SPAG17: variants seen among roughly 807,000 people sequenced by gnomAD.
The protein encoded by SPAG17 is sperm associated antigen 17.
Under a neutral mutation model 273.6 loss-of-function variants are expected in SPAG17, and 169 were observed. That is an observed-to-expected ratio of 0.62 (90% CI 0.55 to 0.70). The LOEUF is 0.70. SPAG17 is among the 30% of genes least tolerant of loss of function. The pLI, the probability that SPAG17 is intolerant of heterozygous loss-of-function variation, is 0.00. For missense variants in SPAG17, 2,557 were observed against 2,627.8 expected, an observed-to-expected ratio of 0.97 and a Z score of 0.59; for synonymous variants, 825 against 873.2, an observed-to-expected ratio of 0.94 and a Z score of 0.97.
At chr1:118,135,371 ATGTGTGTGTGTG>A (rs57793942) in intron 3 of SPAG17, among the ~76,000 whole-genome samples, 58 of 140,024 alleles carry the variant, frequency 4.1e-4, no homozygotes, top group African/African-American at 1.3e-3. Context: ...AGCTCAAGCA[ATGTGTGTGTGTG>A]TGTGTGTGTG....
At chr1:118,124,963 G>T (rs1657628508) in intron 3 of SPAG17, among the ~76,000 whole-genome samples, 1 of 152,118 alleles carries the variant, frequency 6.6e-6, no homozygotes, top group Non-Finnish European at 1.5e-5. Context: ...TCCCTCCCCA[G>T]TCTCCATGGC....
At chr1:118,056,025 T>TGA (rs1444576407) in intron 18 of SPAG17, 111 bp from the exon 19 acceptor site, 6 of 814,030 alleles carry the variant, frequency 7.4e-6, no homozygotes, top group Non-Finnish European at 1.1e-5. Context: ...ATAATGAGTT[T>TGA]GAATACATCC....
chr1:118,153,943 G>A (rs563499275), intron 1 of SPAG17, among the ~76,000 whole-genome samples: 214 of 152,124 alleles, frequency 1.4e-3, no homozygotes, highest in Non-Finnish European at 2.5e-3. Flanking sequence ...TTTTACAAAG[G>A]ATCAAAGAGG....
chr1:118,056,946 T>C (rs947747885), intron 18 of SPAG17, among the ~76,000 whole-genome samples: 1 of 152,112 alleles, frequency 6.6e-6, no homozygotes, highest in African/African-American at 2.4e-5. Flanking sequence ...TACCCTGATG[T>C]TCTCCTTGAT....
chr1:117,983,694 T>C, intron 42 of SPAG17, 117 bp downstream of exon 42: 1 of 523,884 alleles, frequency 1.9e-6, no homozygotes, highest in Non-Finnish European at 3.3e-6. Flanking sequence ...ATCTGTCATA[T>C]GCAGGTCACT....
At chr1:118,137,324 G>A (rs531429575) in intron 3 of SPAG17, among the ~76,000 whole-genome samples, 1 of 152,298 alleles carries the variant, frequency 6.6e-6, no homozygotes, top group Non-Finnish European at 1.5e-5. Flanking sequence ...GAATGAGTAA[G>A]CCCAGATAGA....
intron 2 of SPAG17, 95 bp downstream of exon 2, chr1:118,151,134 C>A: frequency 9.1e-7 from 1 of 1,099,680 alleles, no homozygotes; most frequent in Non-Finnish European, 1.2e-6. Flanking sequence ...ATTTACAAAA[C>A]AGCCCAAGAA....
At chr1:117,957,959 G>A (rs536374448) in intron 48 of SPAG17, among the ~76,000 whole-genome samples, 2 of 152,288 alleles carry the variant, frequency 1.3e-5, no homozygotes, top group East Asian at 3.9e-4. Flanking sequence ...TGTTCATTAG[G>A]CTATATTCTT....
At position 118,086,962 on chromosome 1, in the gene SPAG17, G is replaced by A; in HGVS notation, c.1406C>T (p.Pro469Leu). ...EDLVPPSLREPSPRADGLDHR... is the reference protein window; with the variant it reads ...EDLVPPSLRELSPRADGLDHR... ...GTCTAGCCCGTCTGCTCTGGGGGAT[G>A]GCTCCCGCAGACTGGGTGGGACGAG... is the stretch of plus-strand genomic sequence containing the variant. The change falls in exon 11 of 49, where the codon CCA (proline) becomes CTA (leucine). Residue 469 changes from proline (P) to leucine (L), a missense_variant. Physicochemically the swap from Pro to Leu is moderately conservative, Grantham distance 98. Transcript: ENST00000336338. 6.3e-7 allele frequency: 1 copy of A among 1,586,316 alleles called. No individual in the cohort carries two copies. Among genetic ancestry groups the A allele is most frequent in the Non-Finnish European group, 8.5e-7 (1 of 1,169,854 alleles).
At chr1:117,988,812 T>C (rs1656738384) in intron 38 of SPAG17, among the ~76,000 whole-genome samples, 1 of 152,194 alleles carries the variant, frequency 6.6e-6, no homozygotes, top group Non-Finnish European at 1.5e-5. Context: ...AATAAGACAA[T>C]ATGAAGCATT....
chr1:118,062,049 G>A (rs1308760773), intron 18 of SPAG17, among the ~76,000 whole-genome samples: 1 of 152,108 alleles, frequency 6.6e-6, no homozygotes, highest in Non-Finnish European at 1.5e-5. Context: ...GCATATATGG[G>A]TGGAAAAGGA....
At chr1:118,091,151 C>G (rs1655345888) in intron 10 of SPAG17, among the ~76,000 whole-genome samples, 1 of 151,984 alleles carries the variant, frequency 6.6e-6, no homozygotes, top group African/African-American at 2.4e-5. Context: ...CACATTGTAT[C>G]AGATTTAAAA....
intron 30 of SPAG17, among the ~76,000 whole-genome samples, chr1:118,010,534 C>T (rs1428800935): frequency 6.6e-6 from 1 of 152,130 alleles, no homozygotes; most frequent in Non-Finnish European, 1.5e-5. Flanking sequence ...AAACTGCACC[C>T]CTTCCTTACA....
intron 4 of SPAG17, among the ~76,000 whole-genome samples, chr1:118,105,701 G>A (rs1265840943): frequency 1.3e-5 from 2 of 152,118 alleles, no homozygotes; most frequent in African/African-American, 4.8e-5. Context: ...CAAGGTTAGA[G>A]AACAGGACAT....
chr1:118,075,130 T>C (rs1653970693), intron 15 of SPAG17, among the ~76,000 whole-genome samples: 1 of 152,230 alleles, frequency 6.6e-6, no homozygotes, highest in Non-Finnish European at 1.5e-5. Flanking sequence ...TTCCCTTCCA[T>C]TCATTAATCA....
Position 118,105,009 on chromosome 1 carries a change from C to T in SPAG17, c.448-3083G>A, listed in dbSNP as rs143360898. Among the ~76,000 whole-genome samples the T allele has an allele frequency of 6.6e-5, 10 of 152,192 alleles. No homozygotes were observed. The East Asian group carries it at 1.9e-3, about 29-fold the overall frequency. Reference sequence around the variant, plus strand: ...CAGTGAAGATACGGGGCTGAGGAGACTGAAGTTCTCTAGAAGTCAACATGG... The same window carrying T: ...CAGTGAAGATACGGGGCTGAGGAGATTGAAGTTCTCTAGAAGTCAACATGG... On this transcript the variant is annotated intron_variant, in intron 4 of 48. Transcript: ENST00000336338.
chr1:118,155,067 G>A (rs1482635298), intron 1 of SPAG17, among the ~76,000 whole-genome samples: 2 of 152,080 alleles, frequency 1.3e-5, no homozygotes, highest in Non-Finnish European at 2.9e-5. Context: ...GGCATGTATT[G>A]TACATGATCA....
chr1:118,103,840 A>AGTGTGTGTGTGTGTGTGTGT lies in SPAG17; in HGVS notation c.448-1934_448-1915dup, dbSNP rs60797775. Reference sequence around the variant, plus strand: ...TACACATGAGAAGCAGGGAAAATGTAGTGTGTGTGTGTGTGTGTGTGTGTG... The same window carrying AGTGTGTGTGTGTGTGTGTGT: ...TACACATGAGAAGCAGGGAAAATGTAGTGTGTGTGTGTGTGTGTGTGTGTGTGTGTGTGTGTGTGTGTGTG... On this transcript the variant is annotated intron_variant, in intron 4 of 48. Coordinates refer to ENST00000336338, the MANE Select transcript of SPAG17 (RefSeq NM_206996.4). 5.7e-3 allele frequency among the ~76,000 whole-genome samples: 784 copies of AGTGTGTGTGTGTGTGTGTGT among 136,364 alleles called. 9 individuals carry two copies. The highest frequency in any genetic ancestry group is 7.4e-3 in the Middle Eastern group (2 of 272). The allele number at this position is 136,364 out of a possible 152,430, so 89.5% of individuals were successfully genotyped here. A position where few individuals can be genotyped will look rare whatever the true frequency, so the allele number is the denominator to read the frequency against.
intron 10 of SPAG17, chr1:118,087,210 A>T (rs1367702944): frequency 2.5e-6 from 1 of 398,714 alleles, no homozygotes; most frequent in African/African-American, 2.1e-5. Context: ...ATTAAGGTAG[A>T]TATAAATTTA....
Sources: gnomAD v4.1 joint callset for allele counts (sites outside exome capture counted in the v4.1 genomes callset) on GRCh38, gnomAD v4.1.1 for gene constraint, MANE v1.5 for transcripts, NCBI Gene and HGNC (gene_info 2026-07-23, HGNC 2026-07-21) for gene names.